The following RERE variants were observed in gnomAD, a reference collection of about 807,000 sequenced individuals.
RERE encodes the protein arginine-glutamic acid dipeptide repeats.
RERE carries 40 observed loss-of-function variants against 146.1 expected under a neutral mutation model. The ratio of observed to expected loss-of-function variants is 0.27; its 90% CI spans 0.21 to 0.36. The LOEUF is 0.36. RERE is among the 10% of genes least tolerant of loss of function. The pLI is 1.00. For synonymous variants in RERE, 1,003 were observed against 866.0 expected (o/e 1.16, Z -2.78); for missense variants, 1,933 against 2,138.7 (o/e 0.90, Z 1.90).
At chr1:8,496,067 G>A (rs1645041262) in intron 9 of RERE, among the ~76,000 whole-genome samples, 1 of 151,320 alleles carries the variant, frequency 6.6e-6, no homozygotes, top group African/African-American at 2.4e-5. Context: ...GGAGGACGAG[G>A]TGGGAGGATG....
At chr1:8,430,059 T>C (rs1213593323) in intron 11 of RERE, 1 of 152,258 alleles carries the variant, frequency 6.6e-6, no homozygotes, top group East Asian at 1.9e-4. Flanking sequence ...TACATGATGC[T>C]GGCTCTCACT....
chr1:8,628,882 T>A (rs1183167822), intron 2 of RERE, among the ~76,000 whole-genome samples: 1 of 152,164 alleles, frequency 6.6e-6, no homozygotes, highest in Non-Finnish European at 1.5e-5. Context: ...TTTTAGTCAG[T>A]AGGATCAATG....
chr1:8,471,703 A>G (rs955630478), intron 10 of RERE, among the ~76,000 whole-genome samples: 21 of 152,112 alleles, frequency 1.4e-4, no homozygotes, highest in African/African-American at 4.6e-4. Flanking sequence ...TTGTAGAGAC[A>G]GGAACTCACT....
At chr1:8,683,466 C>A (rs1442076314) in intron 1 of RERE, among the ~76,000 whole-genome samples, 1 of 152,082 alleles carries the variant, frequency 6.6e-6, no homozygotes, top group South Asian at 2.1e-4. Context: ...TTTCCAAAAA[C>A]CTCTTCAGAG....
chr1:8,403,435 T>C (rs1435869143), intron 12 of RERE, among the ~76,000 whole-genome samples: 2 of 11,576 alleles, frequency 1.7e-4, no homozygotes, highest in Admixed American at 2.7e-3. Flanking sequence ...CATATTTTCT[T>C]TTTTTTTTTT....
chr1:8,768,254 G>T (rs1383455026), intron 1 of RERE, among the ~76,000 whole-genome samples: 1 of 152,182 alleles, frequency 6.6e-6, no homozygotes, highest in East Asian at 1.9e-4. Flanking sequence ...GAGGAAATTT[G>T]ATGTATGTAC....
intron 12 of RERE, among the ~76,000 whole-genome samples, chr1:8,408,061 G>C (rs927047148): frequency 6.6e-6 from 1 of 152,150 alleles, no homozygotes; most frequent in Admixed American, 6.5e-5. Context: ...GGCAGCCTTG[G>C]GAGGAAGAAA....
chr1:8,551,256 C>T (rs1645932252), intron 6 of RERE, among the ~76,000 whole-genome samples: 1 of 152,206 alleles, frequency 6.6e-6, no homozygotes, highest in Non-Finnish European at 1.5e-5. Flanking sequence ...TGCACTGATG[C>T]GAGTACACAA....
chr1:8,786,938 T>A, intron 1 of RERE: 1 of 704,510 alleles, frequency 1.4e-6, no homozygotes, highest in East Asian at 2.5e-5. Context: ...CCCTCCATGG[T>A]TCCAGCTGGT....
At chr1:8,681,355 G>T (rs1158999371) in intron 1 of RERE, among the ~76,000 whole-genome samples, 1 of 152,068 alleles carries the variant, frequency 6.6e-6, no homozygotes, top group African/African-American at 2.4e-5. Flanking sequence ...TTTGTCAGGA[G>T]CTCTGAAAAT....
At chr1:8,507,131 G>C (rs943761727) in intron 8 of RERE, among the ~76,000 whole-genome samples, 1 of 152,112 alleles carries the variant, frequency 6.6e-6, no homozygotes, top group Non-Finnish European at 1.5e-5. Context: ...GAATATGCCG[G>C]GCCCAGTGGC....
rs138268016 is a variant in RERE, at chr1:8,418,875, T to C, written c.1284+3852A>G. Among the ~76,000 whole-genome samples the C allele has an allele frequency of 6.6e-3, 1,010 of 152,258 alleles. 10 individuals are homozygous for C. The highest frequency in any genetic ancestry group is 0.023 in the African/African-American group (959 of 41,544). On this transcript the variant is annotated intron_variant, in intron 12 of 22. Transcript: ENST00000400908. ...TACCATCCATCTACCCAACAATAAGTGGCAGGGCTCAAAGCAGAATCAAGA... is the reference window on the plus strand; with the variant it reads ...TACCATCCATCTACCCAACAATAAGCGGCAGGGCTCAAAGCAGAATCAAGA...
intron 11 of RERE, among the ~76,000 whole-genome samples, chr1:8,455,310 C>G (rs1469723320): frequency 6.6e-6 from 1 of 152,012 alleles, no homozygotes; most frequent in East Asian, 1.9e-4. Flanking sequence ...GGCGAGATCA[C>G]AAGGGAGCAC....
At chr1:8,437,708 ATATT>A (rs1440910909) in intron 11 of RERE, among the ~76,000 whole-genome samples, 2 of 152,246 alleles carry the variant, frequency 1.3e-5, no homozygotes, top group Non-Finnish European at 2.9e-5. Flanking sequence ...TTAGATCTGT[ATATT>A]TATAAGGAAT....
intron 4 of RERE, among the ~76,000 whole-genome samples, chr1:8,602,950 G>T (rs1453718071): frequency 6.6e-6 from 1 of 152,174 alleles, no homozygotes; most frequent in Non-Finnish European, 1.5e-5. Flanking sequence ...GGACAAAAAG[G>T]TGAATGAAAC....
At chr1:8,454,413 G>T (rs1377989716) in intron 11 of RERE, among the ~76,000 whole-genome samples, 4 of 152,082 alleles carry the variant, frequency 2.6e-5, no homozygotes, top group African/African-American at 9.7e-5. Context: ...ACCAAGATGG[G>T]CTTAATCCTG....
chr1:8,723,293 A>G (rs1032909144), intron 1 of RERE, among the ~76,000 whole-genome samples: 1 of 152,262 alleles, frequency 6.6e-6, no homozygotes, highest in South Asian at 2.1e-4. Flanking sequence ...ACTTCTACCA[A>G]GAAGAGATTA....
At position 8,361,783 on chromosome 1, in the gene RERE, A is replaced by C. The variant is rs775827960; in HGVS notation, c.1996T>G (p.Ser666Ala). 6.2e-7 allele frequency: 1 copy of C among 1,613,764 alleles called. No individual in the cohort carries two copies. Residue 666 changes from serine to alanine, a missense_variant, in exon 17 of 23, where the codon TCC (serine) becomes GCC (alanine). Physicochemically the swap from Ser to Ala is moderately conservative, Grantham distance 99. This residue lies in a region of RERE where 1,255 missense variants were observed against 1,153.8 expected (regional missense o/e 1.09). Transcript: ENST00000400908. ...SDTEEADRTS[S>A]KKTKTQEISR... is the part of the protein sequence containing the mutation. ...CTCACCTGCGTTTTTGTCTTCTTGGAGCTGGTCCTGTCAGCCTCCTCCGTA... is the reference window on the plus strand; with the variant it reads ...CTCACCTGCGTTTTTGTCTTCTTGGCGCTGGTCCTGTCAGCCTCCTCCGTA...
chr1:8,759,852 C>CACACACACACAT lies in RERE; in HGVS notation c.-145+57307_-145+57308insATGTGTGTGTGT, dbSNP rs1553146171. Among the ~76,000 whole-genome samples, 753 of 151,546 alleles carry CACACACACACAT rather than the reference C, an allele frequency of 5.0e-3. 7 individuals are homozygous for CACACACACACAT. Among genetic ancestry groups the CACACACACACAT allele is most frequent in the African/African-American group, 0.018 (723 of 41,312 alleles). On this transcript the variant is annotated intron_variant, in intron 1 of 22. Coordinates refer to ENST00000400908, the MANE Select transcript of RERE (RefSeq NM_001042681.2). Reference sequence around the variant, plus strand: ...TACTCTCTCTATACACACACACACACACACACACACACACACACACACACA... The same window carrying CACACACACACAT: ...TACTCTCTCTATACACACACACACACACACACACACATACACACACACACACACACACACACA...
Sources: allele counts gnomAD v4.1 joint callset (sites outside exome capture counted in the v4.1 genomes callset), GRCh38; gene constraint gnomAD v4.1.1; regional missense constraint gnomAD v4.1.1; transcripts MANE v1.5; gene names NCBI Gene and HGNC (gene_info 2026-07-23, HGNC 2026-07-21).